VPS8: variants seen among roughly 807,000 people sequenced by gnomAD.
VPS8 encodes the protein VPS8 subunit of CORVET complex.
A neutral mutation model predicts 216.4 loss-of-function variants in VPS8; 129 were observed. The ratio of observed to expected loss-of-function variants is 0.60; its 90% CI spans 0.52 to 0.69. VPS8 has a LOEUF of 0.69. VPS8 is among the 30% of genes least tolerant of loss of function. The pLI, the probability that VPS8 is intolerant of heterozygous loss-of-function variation, is 0.00. For synonymous variants in VPS8, 571 were observed against 565.4 expected (o/e 1.01, Z -0.14); for missense variants, 1,531 against 1,683.5 (o/e 0.91, Z 1.59).
chr3:184,896,411 T>C (rs532231166), intron 23 of VPS8, among the ~76,000 whole-genome samples: 1 of 152,350 alleles, frequency 6.6e-6, no homozygotes, highest in South Asian at 2.1e-4. Flanking sequence ...CAGTTTCTTA[T>C]GTCTCCATAT....
chr3:184,865,266 CTG>C (rs1249667714), intron 16 of VPS8, among the ~76,000 whole-genome samples: 2 of 152,148 alleles, frequency 1.3e-5, no homozygotes, highest in Non-Finnish European at 2.9e-5. Context: ...TTTTCTAAAA[CTG>C]TAGACACACA....
chr3:184,886,263 TATTA>T, intron 22 of VPS8, 107 bp downstream of exon 22: 1 of 1,057,914 alleles, frequency 9.5e-7, no homozygotes, highest in Non-Finnish European at 1.4e-6. Flanking sequence ...GATTTAAAAA[TATTA>T]ATTTATAGAA....
chr3:184,843,463 A>G (rs539210684), intron 8 of VPS8, among the ~76,000 whole-genome samples: 37 of 152,178 alleles, frequency 2.4e-4, no homozygotes, highest in Non-Finnish European at 4.4e-4. Context: ...AACTGAAAGT[A>G]TATACATTTT....
chr3:184,928,499 A>G lies in VPS8; in HGVS notation c.2680A>G (p.Ser894Gly), dbSNP rs776110524. The G allele has an allele frequency of 2.6e-6, 4 of 1,534,968 alleles. No individual in the cohort carries two copies. Among genetic ancestry groups the G allele is most frequent in the East Asian group, 2.5e-5 (1 of 39,280 alleles). Residue 894 changes from serine to glycine, a missense_variant, in exon 32 of 48, where the codon AGT becomes GGT. Ser to Gly is a moderately conservative substitution (Grantham distance 56, BLOSUM62 0). Transcript: ENST00000625842. Reference sequence around the variant, plus strand: ...TGGAGGCATAGTTCAATTTGAAGAGAGTCGACTCATCCGGATGGCAGAAAA... The same window carrying G: ...TGGAGGCATAGTTCAATTTGAAGAGGGTCGACTCATCCGGATGGCAGAAAA... ...QAGGIVQFEESRLIRMAEKAE... is the reference protein window; with the variant it reads ...QAGGIVQFEEGRLIRMAEKAE...
chr3:185,030,166 T>C lies in VPS8; in HGVS notation c.4056+5777T>C, dbSNP rs185824173. The stretch of plus-strand genomic sequence containing the variant: ...CCCAGGATAGATCCAAATGCAGGTG[T>C]TGACAACGTTTAAGGTACATCAGGA... On this transcript the variant is annotated intron_variant, in intron 46 of 47. Transcript: ENST00000625842. 1.5e-4 allele frequency among the ~76,000 whole-genome samples: 23 copies of C among 152,262 alleles called. 1 individual carries two copies. The highest frequency in any genetic ancestry group is 5.1e-4 in the African/African-American group (21 of 41,554).
chr3:184,929,398 C>A (rs1560728228), intron 32 of VPS8, among the ~76,000 whole-genome samples, 182 bp from the exon 33 acceptor site: 3 of 152,104 alleles, frequency 2.0e-5, no homozygotes, highest in African/African-American at 2.4e-5. Flanking sequence ...CTATGCTGCC[C>A]AGGCTGATCT....
chr3:184,994,019 C>A lies in VPS8; in HGVS notation c.3622C>A (p.Gln1208Lys), dbSNP rs868662477. The A allele has an allele frequency of 6.4e-7, 1 of 1,567,606 alleles. No individual in the cohort carries two copies. Among genetic ancestry groups the A allele is most frequent in the African/African-American group, 1.4e-5 (1 of 73,738 alleles). The change falls in exon 43 of 48, where the codon CAG becomes AAG. Residue 1208 changes from glutamine to lysine, a missense_variant. Gln to Lys is a moderately conservative substitution (Grantham distance 53). Coordinates refer to ENST00000625842, the MANE Select transcript of VPS8 (RefSeq NM_001009921.3). ...VYGKGKLGEIQGLILGMLDTF... is the reference protein window; with the variant it reads ...VYGKGKLGEIKGLILGMLDTF... ...TGGAAAAGGAAAACTTGGAGAAATC[C>A]AGGGACTTATCTTGGGAATGTTAGA...
At chr3:184,966,972 T>A (rs890298407) in intron 39 of VPS8, among the ~76,000 whole-genome samples, 2 of 15,616 alleles carry the variant, frequency 1.3e-4, no homozygotes, top group Admixed American at 4.2e-4. Flanking sequence ...TTGTTGGTTA[T>A]CTTTTTTTTT....
intron 40 of VPS8, among the ~76,000 whole-genome samples, chr3:184,976,823 C>T (rs563850929): frequency 2.0e-3 from 309 of 152,250 alleles, no homozygotes; most frequent in Non-Finnish European, 3.6e-3. Context: ...CATAGTATTC[C>T]ATGGTGTATA....
intron 14 of VPS8, among the ~76,000 whole-genome samples, chr3:184,856,357 G>C (rs184116627): frequency 1.6e-4 from 25 of 152,316 alleles, no homozygotes; most frequent in Non-Finnish European, 2.4e-4. Flanking sequence ...GATTAGTATG[G>C]ACTAGAGAGA....
Position 184,834,651 on chromosome 3 carries a change from A to G in VPS8, c.356A>G (p.Lys119Arg). Reference protein sequence around the residue: ...DSGDRTNLKRKKKLPDSFSLH... With the variant: ...DSGDRTNLKRRKKLPDSFSLH... Reference sequence around the variant, plus strand: ...ATGTTTTTCTTTTTTTTTTTCAGGAAGAAGAAATTACCTGATTCTTTTTCA... The same window carrying G: ...ATGTTTTTCTTTTTTTTTTTCAGGAGGAAGAAATTACCTGATTCTTTTTCA... The change falls in exon 5 of 48, where the codon AAG (lysine) becomes AGG (arginine). Residue 119 changes from lysine (K) to arginine (R), a missense_variant and splice_region_variant. Lys to Arg is a conservative substitution (Grantham distance 26). This residue lies in a region of VPS8 where 199 missense variants were observed against 182.2 expected (regional missense o/e 1.09). Coordinates refer to ENST00000625842, the MANE Select transcript of VPS8 (RefSeq NM_001009921.3). The G allele has an allele frequency of 6.5e-7, 1 of 1,528,822 alleles. No individual in the cohort carries two copies. The highest frequency in any genetic ancestry group is 8.8e-7 in the Non-Finnish European group (1 of 1,140,044). The allele number at this position is 1,528,822 out of a possible 1,614,324, so 94.7% of individuals were successfully genotyped here.
At chr3:184,871,755 A>G (rs1728392992) in intron 21 of VPS8, among the ~76,000 whole-genome samples, 1 of 152,166 alleles carries the variant, frequency 6.6e-6, no homozygotes, top group African/African-American at 2.4e-5. Context: ...GTTTACATTA[A>G]TGGACATATT....
intron 3 of VPS8, among the ~76,000 whole-genome samples, chr3:184,830,480 A>ACG (rs1379582729): frequency 6.6e-6 from 1 of 152,014 alleles, no homozygotes; most frequent in East Asian, 1.9e-4. Flanking sequence ...ACACACACAC[A>ACG]CAAATCAGCT....
At chr3:184,969,086 C>G (rs1167304046) in intron 39 of VPS8, among the ~76,000 whole-genome samples, 2 of 151,800 alleles carry the variant, frequency 1.3e-5, no homozygotes, top group Admixed American at 1.3e-4. Flanking sequence ...CATTTTGTGG[C>G]AATTTTAAAA....
intron 24 of VPS8, among the ~76,000 whole-genome samples, 158 bp downstream of exon 24, chr3:184,898,812 A>G (rs888916349): frequency 2.0e-5 from 3 of 152,196 alleles, no homozygotes; most frequent in East Asian, 1.9e-4. Context: ...GGGCTTTTAG[A>G]TAGTCTTCAA....
intron 46 of VPS8, among the ~76,000 whole-genome samples, chr3:185,027,797 G>A (rs942271857): frequency 6.6e-6 from 1 of 152,016 alleles, no homozygotes; most frequent in Non-Finnish European, 1.5e-5. Flanking sequence ...TCTTAGAATC[G>A]GCATCAGGCA....
intron 47 of VPS8, among the ~76,000 whole-genome samples, chr3:185,050,007 C>G (rs1221127104): frequency 6.6e-6 from 1 of 152,106 alleles, no homozygotes; most frequent in Non-Finnish European, 1.5e-5. Flanking sequence ...GGTTTCTGGG[C>G]CTTCCAAGGA....
chr3:184,913,205 C>T (rs75892319), intron 25 of VPS8, among the ~76,000 whole-genome samples: 4,053 of 152,268 alleles, frequency 0.027, 191 homozygotes, highest in African/African-American at 0.093. Flanking sequence ...TTCTGATGTA[C>T]AGTTCATCAG....
chr3:184,936,047 A>G (rs901232101), intron 34 of VPS8, among the ~76,000 whole-genome samples, 199 bp from the exon 35 acceptor site: 2 of 148,122 alleles, frequency 1.4e-5, no homozygotes, highest in South Asian at 2.1e-4. Flanking sequence ...TGAAATTTTG[A>G]TTTTTTTTTT....
Sources: allele counts gnomAD v4.1 joint callset (sites outside exome capture counted in the v4.1 genomes callset), GRCh38; gene constraint gnomAD v4.1.1; regional missense constraint gnomAD v4.1.1; transcripts MANE v1.5; gene names NCBI Gene and HGNC (gene_info 2026-07-23, HGNC 2026-07-21).